Variants in SYT2 observed in about 807,000 individuals in gnomAD.
The protein encoded by SYT2 is synaptotagmin-2.
Under a neutral mutation model 39.9 loss-of-function variants are expected in SYT2, and 15 were observed. That is an observed-to-expected ratio of 0.38 (90% CI 0.25 to 0.58). The LOEUF is 0.58. Ranked by LOEUF, SYT2 falls within the 20% of genes least tolerant of loss-of-function variation. The pLI is 0.70. For synonymous variants in SYT2, 181 were observed against 204.5 expected, an observed-to-expected ratio of 0.89 and a Z score of 0.98; for missense variants, 389 against 530.3, an observed-to-expected ratio of 0.73 and a Z score of 2.62.
rs1485743668 is a variant in SYT2 at position 202,591,545 on chromosome 1, G to C, written c.*5212C>G. On this transcript the variant is annotated 3_prime_UTR_variant, in exon 9 of 9. Transcript: ENST00000367268. The stretch of plus-strand genomic sequence containing the variant: ...AGGTCAGGGGACTTAGTCCACACCT[G>C]CTCTGCCTGAGCCTCTCTCACAGCT... 1 of 152,532 alleles carries C rather than the reference G, an allele frequency of 6.6e-6. No homozygotes were observed. The highest frequency in any genetic ancestry group is 1.9e-4 in the East Asian group (1 of 5,190). The allele number at this position is 152,532 out of a possible 1,614,324, so 9.4% of individuals were successfully genotyped here.
At chr1:202,642,043 C>A (rs1404396426) in intron 1 of SYT2, among the ~76,000 whole-genome samples, 1 of 152,134 alleles carries the variant, frequency 6.6e-6, no homozygotes, top group African/African-American at 2.4e-5. Context: ...TTCTACCCCA[C>A]CCCCATCCTT....
intron 1 of SYT2, among the ~76,000 whole-genome samples, chr1:202,639,296 C>T (rs1269672529): frequency 1.3e-5 from 2 of 152,200 alleles, no homozygotes; most frequent in Admixed American, 6.5e-5. Flanking sequence ...CTTTCTGCTG[C>T]AGTCAAGGCA....
At chr1:202,641,204 C>T (rs1691908512) in intron 1 of SYT2, among the ~76,000 whole-genome samples, 1 of 152,188 alleles carries the variant, frequency 6.6e-6, no homozygotes, top group Non-Finnish European at 1.5e-5. Context: ...AGGGGTGTGC[C>T]TGGCTTTGAA....
chr1:202,704,031 G>A (rs972558283), intron 1 of SYT2, among the ~76,000 whole-genome samples: 14 of 152,190 alleles, frequency 9.2e-5, no homozygotes, highest in Admixed American at 7.9e-4. Context: ...AAATGCCTCG[G>A]GGGAGCTTTC....
At chr1:202,620,355 A>G (rs1433378304) in intron 1 of SYT2, among the ~76,000 whole-genome samples, 1 of 152,156 alleles carries the variant, frequency 6.6e-6, no homozygotes, top group East Asian at 1.9e-4. Flanking sequence ...TTGGAGTACT[A>G]GTTAACTGCC....
intron 1 of SYT2, among the ~76,000 whole-genome samples, chr1:202,708,280 C>T (rs1257685180): frequency 6.6e-6 from 1 of 152,052 alleles, no homozygotes; most frequent in Non-Finnish European, 1.5e-5. Flanking sequence ...TCCTGGACTG[C>T]AGAACAAAGC....
chr1:202,618,074 T>C (rs1691095799), intron 1 of SYT2, among the ~76,000 whole-genome samples: 1 of 152,062 alleles, frequency 6.6e-6, no homozygotes, highest in Admixed American at 6.6e-5. Flanking sequence ...GCTAATTTGT[T>C]GTAGTTTTGT....
chr1:202,632,408 G>A (rs1691619565), intron 1 of SYT2: 1 of 286,354 alleles, frequency 3.5e-6, no homozygotes, highest in African/African-American at 2.3e-5. Context: ...GGGAGCTGGG[G>A]ATGAGACTCC....
chr1:202,612,460 C>T (rs374013180), intron 1 of SYT2, among the ~76,000 whole-genome samples: 4 of 152,034 alleles, frequency 2.6e-5, no homozygotes, highest in Admixed American at 2.0e-4. Flanking sequence ...CTTGACCTCC[C>T]GGGCTCAATT....
intron 1 of SYT2, among the ~76,000 whole-genome samples, chr1:202,620,785 A>C (rs1344567832): frequency 2.0e-5 from 3 of 152,002 alleles, no homozygotes; most frequent in Admixed American, 1.3e-4. Flanking sequence ...CTGGAGGAGG[A>C]AGGTGGGGTG....
At chr1:202,618,326 A>G (rs1308115449) in intron 1 of SYT2, among the ~76,000 whole-genome samples, 1 of 151,820 alleles carries the variant, frequency 6.6e-6, no homozygotes, top group Non-Finnish European at 1.5e-5. Flanking sequence ...CCATGTTAAG[A>G]CTCAGTTGTC....
At chr1:202,634,062 G>A (rs1359232204) in intron 1 of SYT2, among the ~76,000 whole-genome samples, 2 of 152,182 alleles carry the variant, frequency 1.3e-5, no homozygotes, top group African/African-American at 4.8e-5. Flanking sequence ...AGTCTCCTTG[G>A]ACAAATCCCT....
rs146066933 is a variant in SYT2 at position 202,626,893 on chromosome 1, A to G, written c.-17-21104T>C. On this transcript the variant is annotated intron_variant, in intron 1 of 8. Coordinates refer to ENST00000367268, the MANE Select transcript of SYT2 (RefSeq NM_177402.5). Reference sequence around the variant, plus strand: ...AAACCGAGGATCAGGTGCCTGTCTCACAGGGATGTTATGAGGATTGAAGAG... The same window carrying G: ...AAACCGAGGATCAGGTGCCTGTCTCGCAGGGATGTTATGAGGATTGAAGAG... Among the ~76,000 whole-genome samples the G allele has an allele frequency of 3.7e-3, 556 of 152,300 alleles. 3 individuals carry two copies. The highest frequency in any genetic ancestry group is 0.013 in the African/African-American group (539 of 41,580).
rs1558463371 is a variant in SYT2 at position 202,691,725 on chromosome 1, GAGGGGGGGAGA to G, written c.-18+18522_-18+18532del. ...AGAGGGAGAGGGAGAGGGAGAGGGA[GAGGGGGGGAGA>G]GAGAGAGAGAGAGAGAGAGAGAGAG... On this transcript the variant is annotated intron_variant, in intron 1 of 8. Transcript: ENST00000367268. Among the ~76,000 whole-genome samples, 30 of 16,362 alleles carry G rather than the reference GAGGGGGGGAGA, an allele frequency of 1.8e-3. 1 individual carries two copies. The highest frequency in any genetic ancestry group is 3.2e-3 in the African/African-American group (17 of 5,390). The allele number at this position is 16,362 out of a possible 152,430, so 10.7% of individuals were successfully genotyped here.
chr1:202,604,818 C>CTTTTTTTTTTTTT (rs59944538), intron 2 of SYT2, among the ~76,000 whole-genome samples, 197 bp from the exon 3 acceptor site: 3 of 71,668 alleles, frequency 4.2e-5, no homozygotes, highest in African/African-American at 1.6e-4. Context: ...TCATGCCTTG[C>CTTTTTTTTTTTTT]TTTTTTTTTT....
chr1:202,679,479 T>C (rs1396650630), intron 1 of SYT2, among the ~76,000 whole-genome samples: 1 of 152,244 alleles, frequency 6.6e-6, no homozygotes, highest in African/African-American at 2.4e-5. Flanking sequence ...GTTCGGAGGC[T>C]TAGAAATCAT....
chr1:202,675,175 G>GA (rs916141798), intron 1 of SYT2, among the ~76,000 whole-genome samples: 4 of 152,030 alleles, frequency 2.6e-5, no homozygotes, highest in African/African-American at 9.7e-5. Flanking sequence ...GTCTACTAAG[G>GA]AAAAATAAGA....
At chr1:202,688,675 G>A (rs369130156) in intron 1 of SYT2, among the ~76,000 whole-genome samples, 16 of 152,318 alleles carry the variant, frequency 1.1e-4, no homozygotes, top group Non-Finnish European at 2.2e-4. Flanking sequence ...AGGAACAAGA[G>A]GACACATTCG....
chr1:202,633,707 C>T (rs1691661566), intron 1 of SYT2, among the ~76,000 whole-genome samples: 1 of 152,118 alleles, frequency 6.6e-6, no homozygotes, highest in South Asian at 2.1e-4. Flanking sequence ...TGGTGAGAGG[C>T]CAGTGAGAGA....
Sources: gnomAD v4.1 joint callset for allele counts (sites outside exome capture counted in the v4.1 genomes callset) on GRCh38, gnomAD v4.1.1 for gene constraint, MANE v1.5 for transcripts, NCBI Gene and HGNC (gene_info 2026-07-23, HGNC 2026-07-21) for gene names.